LRRC56: variants seen among roughly 807,000 people sequenced by gnomAD.
LRRC56 encodes the protein leucine-rich repeat-containing protein 56.
In LRRC56, 41 loss-of-function variants were observed where a neutral mutation model predicts 47.8. That is an observed-to-expected ratio of 0.86 (90% CI 0.67 to 1.11). The LOEUF (loss-of-function observed/expected upper bound fraction) is 1.11. LRRC56 is among the 50% of genes most tolerant of loss of function. LRRC56 has a pLI of 0.00. For synonymous variants in LRRC56, 387 were observed against 311.2 expected, an observed-to-expected ratio of 1.24 and a Z score of -2.56; for missense variants, 759 against 704.2, an observed-to-expected ratio of 1.08 and a Z score of -0.88.
the LRRC56 span, among the ~76,000 whole-genome samples, chr11:517,226 G>A: frequency 6.6e-6 from 1 of 152,374 alleles, no homozygotes; most frequent in East Asian, 1.9e-4. Flanking sequence ...TGCCTGCCTT[G>A]GCCTCCCAAA....
At chr11:532,525 G>A in the LRRC56 span, 29 of 1,426,276 alleles carry the variant, frequency 2.0e-5, no homozygotes, top group Non-Finnish European at 2.6e-5. Flanking sequence ...AGCTTGTGCT[G>A]GGCGGGGCAC....
At chr11:533,499 C>T (rs1473091760), upstream of LRRC56, 6 of 1,613,522 alleles carry the variant, frequency 3.7e-6, no homozygotes, top group South Asian at 5.5e-5. Context: ...GCCGTAGCTT[C>T]GGGCGAGGTC....
Position 543,182 on chromosome 11 carries a change from G to A in LRRC56, c.266-1538G>A, listed in dbSNP as rs566092326. 2.1e-5 allele frequency among the ~76,000 whole-genome samples: 3 copies of A among 143,970 alleles called. No homozygotes were observed. In the South Asian group the frequency reaches 6.7e-4, roughly 32 times the overall value. 94.4% of individuals were successfully genotyped at this position (143,970 alleles called of 152,430 possible). A position where few individuals can be genotyped will look rare whatever the true frequency, so the allele number is the denominator to read the frequency against. On this transcript the variant is annotated intron_variant, in intron 5 of 13. Transcript: ENST00000270115. ...GCTGGGATTACAGGATTACAGGGAT[G>A]AGCCACCGCGCCTGGCCTGTTTTTT...
intron 6 of LRRC56, 88 bp from the exon 7 acceptor site, chr11:549,814 T>G: frequency 1.7e-6 from 2 of 1,170,126 alleles, no homozygotes; most frequent in Non-Finnish European, 2.5e-6. Context: ...TGGTCACACC[T>G]GCCCCTACCC....
chr11:531,214 T>C, the LRRC56 span, among the ~76,000 whole-genome samples: 36,078 of 148,622 alleles, frequency 0.24, 4,975 homozygotes, highest in African/African-American at 0.35. Flanking sequence ...AGTGTGGTAT[T>C]CCCTGGACAA....
chr11:533,535 C>G (rs730880464), upstream of LRRC56: 68 of 1,613,718 alleles, frequency 4.2e-5, no homozygotes, highest in Non-Finnish European at 5.5e-5. Context: ...TTCCACAGTG[C>G]GTGCAGCCAG....
At chr11:553,213 G>A (rs554569746) in intron 13 of LRRC56, among the ~76,000 whole-genome samples, 27 of 152,352 alleles carry the variant, frequency 1.8e-4, no homozygotes, top group African/African-American at 5.3e-4. Context: ...CCTTTACGAA[G>A]GACACTGACT....
At chr11:534,338 T>G (rs1174138515), upstream of LRRC56, 1 of 1,601,066 alleles carries the variant, frequency 6.2e-7, no homozygotes, top group Non-Finnish European at 8.5e-7. Flanking sequence ...CTCAGGGGCC[T>G]GCGGCCCGGG....
In LRRC56 at chr11:552,004, G is replaced by A. The variant is rs557491713; in HGVS notation, c.1038+37G>A. Reference sequence around the variant, plus strand: ...AGGGACCAGCCCCCCACGAGAACCAGTGTCCAGGGTTGCGGCCCTGACAGT... The same window carrying A: ...AGGGACCAGCCCCCCACGAGAACCAATGTCCAGGGTTGCGGCCCTGACAGT... On this transcript the variant is annotated intron_variant, in intron 11 of 13. Transcript: ENST00000270115. The A allele has an allele frequency of 5.6e-6, 9 of 1,611,288 alleles. No homozygotes were observed. In the South Asian group the frequency reaches 9.9e-5, roughly 18 times the overall value.
chr11:526,918 C>T, the LRRC56 span, among the ~76,000 whole-genome samples: 7 of 151,866 alleles, frequency 4.6e-5, no homozygotes, highest in Non-Finnish European at 1.0e-4. Flanking sequence ...GCCTGGGCGA[C>T]AGAGCGAGAC....
Position 554,724 on chromosome 11 carries a change from C to G in LRRC56, c.*448C>G, listed in dbSNP as rs1852669995. On this transcript the variant is annotated 3_prime_UTR_variant, in exon 14 of 14. Coordinates refer to ENST00000270115, the MANE Select transcript of LRRC56 (RefSeq NM_198075.4). ...AAGGTCCCAGCTGCTCGCCTGAGGC[C>G]GCCGGGGGTGCGGTCCAGGCCTCCC... 2.2e-6 allele frequency: 1 copy of G among 456,406 alleles called. No homozygotes were observed. The highest frequency in any genetic ancestry group is 2.1e-5 in the African/African-American group (1 of 48,028). The allele number at this position is 456,406 out of a possible 1,614,324, so 28.3% of individuals were successfully genotyped here. A position where few individuals can be genotyped will look rare whatever the true frequency, so the allele number is the denominator to read the frequency against.
At chr11:532,423 C>T in the LRRC56 span, 42 of 690,424 alleles carry the variant, frequency 6.1e-5, no homozygotes, top group South Asian at 5.1e-4. Context: ...TGACTGGGCT[C>T]CAGCAGCCCT....
At chr11:552,345 C>T (rs962561708) in intron 12 of LRRC56, 113 bp downstream of exon 12, 17 of 1,393,190 alleles carry the variant, frequency 1.2e-5, no homozygotes, top group South Asian at 2.7e-5. Context: ...ACCATCCCTG[C>T]ATGTCCTGTC....
rs533161831 is a variant in LRRC56 at position 543,317 on chromosome 11, C to T, written c.266-1403C>T. On this transcript the variant is annotated intron_variant, in intron 5 of 13. Coordinates refer to ENST00000270115, the MANE Select transcript of LRRC56 (RefSeq NM_198075.4). ...GCAACCTCAGCCTCTTGAATTCAAGCAATTCTCCTGCCTCAGCCTCCTGAG... is the reference window on the plus strand; with the variant it reads ...GCAACCTCAGCCTCTTGAATTCAAGTAATTCTCCTGCCTCAGCCTCCTGAG... Among the ~76,000 whole-genome samples, 175 of 151,740 alleles carry T rather than the reference C, an allele frequency of 1.2e-3. 1 individual carries two copies. In the South Asian group the frequency reaches 0.012, roughly 10 times the overall value.
chr11:541,138 C>T lies in LRRC56; in HGVS notation c.177+277C>T, dbSNP rs1448624221. Among the ~76,000 whole-genome samples the T allele has an allele frequency of 6.6e-6, 1 of 152,154 alleles. No individual in the cohort carries two copies. ...CAGACAGGACTGAGCCAGGCCAGAA[C>T]CCACAAGTAGGGGCTGAGCATCCAT... is the stretch of plus-strand genomic sequence containing the variant. On this transcript the variant is annotated intron_variant, in intron 4 of 13. Coordinates refer to ENST00000270115, the MANE Select transcript of LRRC56 (RefSeq NM_198075.4). This position sits in a 1 kb window ranked among gnomAD's most constrained non-coding sequence, Gnocchi z 4.1.
At position 541,750 on chromosome 11, in the gene LRRC56, G is replaced by C; in HGVS notation, c.265+126G>C. On this transcript the variant is annotated intron_variant, in intron 5 of 13. Coordinates refer to ENST00000270115, the MANE Select transcript of LRRC56 (RefSeq NM_198075.4). This position sits in a 1 kb window ranked among gnomAD's most constrained non-coding sequence, Gnocchi z 4.1. The stretch of plus-strand genomic sequence containing the variant: ...CGGGCCGCGTATCGGCTTCCTTAGG[G>C]TTGGCCTCTGACCTGAGGTCTGTGT... 1.7e-6 allele frequency: 1 copy of C among 601,582 alleles called. No individual in the cohort carries two copies. Among genetic ancestry groups the C allele is most frequent in the Non-Finnish European group, 2.8e-6 (1 of 356,994 alleles). The allele number at this position is 601,582 out of a possible 1,614,324, so 37.3% of individuals were successfully genotyped here. A position where few individuals can be genotyped will look rare whatever the true frequency, so the allele number is the denominator to read the frequency against.
At chr11:537,297 A>C (rs1365902921), upstream of LRRC56, 1 of 151,868 alleles carries the variant, frequency 6.6e-6, no homozygotes, top group African/African-American at 2.4e-5. Context: ...CGCCCACCCA[A>C]CTCGAGTTGG....
At chr11:511,548 T>A in the LRRC56 span, among the ~76,000 whole-genome samples, 1 of 152,190 alleles carries the variant, frequency 6.6e-6, no homozygotes, top group African/African-American at 2.4e-5. Context: ...CAGGAGGAGC[T>A]CATGATAGAG....
chr11:507,993 C>T, the LRRC56 span, among the ~76,000 whole-genome samples: 1 of 152,278 alleles, frequency 6.6e-6, no homozygotes, highest in Admixed American at 6.5e-5. Context: ...CCAGACCAGC[C>T]TGGGAAACGC....
Sources: allele counts gnomAD v4.1 joint callset (sites outside exome capture counted in the v4.1 genomes callset), GRCh38; gene constraint gnomAD v4.1.1; non-coding constraint Gnocchi (gnomAD v3.1); transcripts MANE v1.5; gene names NCBI Gene and HGNC (gene_info 2026-07-23, HGNC 2026-07-21).